Variants in PCDHA4 observed in about 807,000 individuals in gnomAD.
The protein encoded by PCDHA4 is protocadherin alpha 4.
PCDHA4 carries 49 observed loss-of-function variants against 61.4 expected under a neutral mutation model. The ratio of observed to expected loss-of-function variants is 0.80; its 90% confidence interval spans 0.63 to 1.01. The LOEUF (loss-of-function observed/expected upper bound fraction) is 1.01. Ranked by LOEUF, PCDHA4 falls within the 50% of genes least tolerant of loss-of-function variation. The pLI is 0.00. For missense variants in PCDHA4, 1,254 were observed against 1,235.8 expected (o/e 1.01, Z -0.22); for synonymous variants, 590 against 550.3 (o/e 1.07, Z -1.01).
In PCDHA4 at chr5:140,842,704, G is replaced by A. The variant is rs151170990; in HGVS notation, c.2385+33132G>A. 2,141 of 1,595,136 alleles carry A rather than the reference G, an allele frequency of 1.3e-3. 215 individuals are homozygous for A. The highest frequency in any genetic ancestry group is 5.2e-3 in the African/African-American group (389 of 74,336). On this transcript the variant is annotated intron_variant, in intron 1 of 3. Transcript: ENST00000530339. ...CGGCGTTCGCGCAGCCCGAGTACAC[G>A]GTGTTCGTGAAGGAGAACAACCCGC... is the stretch of plus-strand genomic sequence containing the variant.
At chr5:140,971,778 G>C (rs1346530602) in intron 1 of PCDHA4, among the ~76,000 whole-genome samples, 2 of 151,860 alleles carry the variant, frequency 1.3e-5, no homozygotes, top group Non-Finnish European at 2.9e-5. Context: ...TATTATTCAA[G>C]ATTATTCAAT....
At chr5:140,814,360 C>T (rs1194896728) in intron 1 of PCDHA4, 2 of 151,764 alleles carry the variant, frequency 1.3e-5, no homozygotes, top group Non-Finnish European at 1.5e-5. Flanking sequence ...GTTACACATG[C>T]GATGCTATCA....
Position 140,807,656 on chromosome 5 carries a change from G to A in PCDHA4, c.469G>A (p.Ala157Thr), listed in dbSNP as rs782156904. Residue 157 changes from alanine (A) to threonine (T), a missense_variant, in exon 1 of 4, where the codon GCC becomes ACC. By Grantham distance (58) the Ala-to-Thr change is moderately conservative. Coordinates refer to ENST00000530339, the MANE Select transcript of PCDHA4 (RefSeq NM_018907.4). ...TGACTCTCGGTTTCCACTAGAGGGC[G>A]CCTCGGATGCAGATATCGGGGAGAA... ...PLDSRFPLEG[A>T]SDADIGENAL... 6.8e-6 allele frequency: 11 copies of A among 1,614,200 alleles called. No homozygotes were observed. In the South Asian group the frequency reaches 1.2e-4, roughly 18 times the overall value.
intron 1 of PCDHA4, chr5:140,876,735 T>C (rs782576636): frequency 2.0e-5 from 33 of 1,614,084 alleles, no homozygotes; most frequent in Non-Finnish European, 2.7e-5. Context: ...TGTCGGCCTA[T>C]GAGCTGGTGG....
rs1351509805 is a variant in PCDHA4, at chr5:140,928,584, TG to T, written c.2386-50364del. The T allele has an allele frequency of 8.7e-6, 14 of 1,614,150 alleles. No homozygotes were observed. In the African/African-American group the frequency reaches 1.9e-4, roughly 22 times the overall value. On this transcript the variant is annotated intron_variant, in intron 1 of 3. Coordinates refer to ENST00000530339, the MANE Select transcript of PCDHA4 (RefSeq NM_018907.4). ...TGTTTCCCTTGCCCAGAAATGGTTCTGTCCCAGTGGAAATTGTGCCCCGCTC... is the reference window on the plus strand; with the variant it reads ...TGTTTCCCTTGCCCAGAAATGGTTCTTCCCAGTGGAAATTGTGCCCCGCTC...
intron 1 of PCDHA4, among the ~76,000 whole-genome samples, chr5:140,846,496 T>C (rs1780511719): frequency 6.9e-6 from 1 of 143,918 alleles, no homozygotes; most frequent in Non-Finnish European, 1.5e-5. Flanking sequence ...TTCCTCAGCC[T>C]CCCAAGTAGC....
intron 3 of PCDHA4, among the ~76,000 whole-genome samples, chr5:141,000,412 TA>T (rs2097919630): frequency 4.9e-5 from 5 of 102,770 alleles, no homozygotes; most frequent in Non-Finnish European, 5.8e-5. Context: ...TATATATATA[TA>T]TATATATATT....
rs375716587 is a variant in PCDHA4 at position 140,871,025 on chromosome 5, C to T, written c.2385+61453C>T. ...ACGCGTGCCCTGGACGAGGCAGACT[C>T]GCCGCGCCACCGACTTCTAGTACTG... On this transcript the variant is annotated intron_variant, in intron 1 of 3. Transcript: ENST00000530339. 13 of 1,613,228 alleles carry T rather than the reference C, an allele frequency of 8.1e-6. No homozygotes were observed. Among genetic ancestry groups the T allele is most frequent in the Admixed American group, 1.7e-5 (1 of 60,010 alleles).
Position 140,850,095 on chromosome 5 carries a change from C to G in PCDHA4, c.2385+40523C>G, listed in dbSNP as rs139719626. The G allele has an allele frequency of 2.5e-3, 3,966 of 1,596,304 alleles. 379 individuals carry two copies. Among genetic ancestry groups the G allele is most frequent in the Non-Finnish European group, 3.1e-3 (3,638 of 1,167,768 alleles). On this transcript the variant is annotated intron_variant, in intron 1 of 3. Transcript: ENST00000530339. Reference sequence around the variant, plus strand: ...CGAGGAGCTGGAGCTGCTACAGTTCCAGGTGAGCGCGCGCGACGCGGGCGT... The same window carrying G: ...CGAGGAGCTGGAGCTGCTACAGTTCGAGGTGAGCGCGCGCGACGCGGGCGT...
chr5:140,851,794 T>C (rs2042159593), intron 1 of PCDHA4: 2 of 954,372 alleles, frequency 2.1e-6, no homozygotes. Flanking sequence ...ATTCACTTGT[T>C]CTGTCAGTAA....
At chr5:140,927,142 G>T (rs781883795) in intron 1 of PCDHA4, 1 of 1,614,128 alleles carries the variant, frequency 6.2e-7, no homozygotes, top group South Asian at 1.1e-5. Context: ...GGCGGACCGC[G>T]AACAGCTGTG....
chr5:140,886,689 G>T (rs1267444522), intron 1 of PCDHA4, among the ~76,000 whole-genome samples: 1 of 152,022 alleles, frequency 6.6e-6, no homozygotes, highest in Admixed American at 6.5e-5. Context: ...AGCGAGGCAT[G>T]GTGGCACGCG....
intron 1 of PCDHA4, among the ~76,000 whole-genome samples, chr5:140,885,118 C>CT (rs782576516): frequency 6.6e-6 from 1 of 152,022 alleles, no homozygotes; most frequent in Non-Finnish European, 1.5e-5. Context: ...TTTAAGTGCA[C>CT]TTTTCTTTCT....
chr5:140,873,893 T>G (rs1308011914), intron 1 of PCDHA4, among the ~76,000 whole-genome samples: 2 of 152,166 alleles, frequency 1.3e-5, no homozygotes, highest in Non-Finnish European at 2.9e-5. Context: ...ACTCCTGACC[T>G]CAGGTGATCT....
In PCDHA4 at chr5:140,829,763, G is replaced by C. The variant is rs2150174106; in HGVS notation, c.2385+20191G>C. On this transcript the variant is annotated intron_variant, in intron 1 of 3. Coordinates refer to ENST00000530339, the MANE Select transcript of PCDHA4 (RefSeq NM_018907.4). ...GACGCTGCAGGTGTTCGTGCTGGAC[G>C]AGAACGACAACGCGCCGGCGCTGCT... The C allele has an allele frequency of 5.8e-5, 94 of 1,613,770 alleles. No homozygotes were observed. In the East Asian group the frequency reaches 2.1e-3, roughly 36 times the overall value.
At chr5:140,949,144 T>C (rs2094347159) in intron 1 of PCDHA4, among the ~76,000 whole-genome samples, 1 of 151,806 alleles carries the variant, frequency 6.6e-6, no homozygotes, top group Non-Finnish European at 1.5e-5. Context: ...TTGTTGCTTT[T>C]GATTTCTAAT....
chr5:140,921,131 C>A (rs532456439), intron 1 of PCDHA4, among the ~76,000 whole-genome samples: 1 of 133,054 alleles, frequency 7.5e-6, no homozygotes, highest in East Asian at 2.3e-4. Flanking sequence ...CAGGTGCACA[C>A]CACTACACCC....
intron 1 of PCDHA4, chr5:140,883,164 A>G (rs559249411): frequency 1.2e-6 from 2 of 1,614,060 alleles, no homozygotes; most frequent in African/African-American, 1.3e-5. Context: ...AATCCGAACA[A>G]TGGAGAAATT....
At chr5:140,866,405 A>AT (rs2049338047) in intron 1 of PCDHA4, 1 of 152,116 alleles carries the variant, frequency 6.6e-6, no homozygotes, top group Non-Finnish European at 1.5e-5. Context: ...TCCCATGAAA[A>AT]TCTTCAAATG....
Sources: gnomAD v4.1 joint callset for allele counts (sites outside exome capture counted in the v4.1 genomes callset) on GRCh38, gnomAD v4.1.1 for gene constraint, MANE v1.5 for transcripts, NCBI Gene and HGNC (gene_info 2026-07-23, HGNC 2026-07-21) for gene names.